The following XKRX variants were observed in gnomAD, a reference collection of about 807,000 sequenced individuals.
The protein encoded by XKRX is XK related X-linked.
A neutral mutation model predicts 22.4 loss-of-function variants in XKRX; 11 were observed. The ratio of observed to expected loss-of-function variants is 0.49; its 90% CI spans 0.31 to 0.81. The LOEUF is 0.81. Ranked by LOEUF, XKRX falls within the 40% of genes least tolerant of loss-of-function variation. XKRX has a pLI of 0.05. For synonymous variants in XKRX, 114 were observed against 132.2 expected, an observed-to-expected ratio of 0.86 and a Z score of 0.94; for missense variants, 320 against 336.5, an observed-to-expected ratio of 0.95 and a Z score of 0.38.
At chrX:100,888,373 A>G in the XKRX span, 21 of 763,760 alleles carry the variant, frequency 2.7e-5, no homozygotes, top group African/African-American at 1.2e-4. Context: ...GTGGCCTTGC[A>G]TTCGTGGCTG....
intron 2 of XKRX, among the ~76,000 whole-genome samples, chrX:100,920,625 A>G (rs752654713): frequency 8.9e-6 from 1 of 112,674 alleles, no homozygotes; most frequent in Admixed American, 9.4e-5. Flanking sequence ...CAAACCATAC[A>G]GAAGAATTTT....
chrX:100,920,425 T>C (rs1457801983), intron 2 of XKRX, among the ~76,000 whole-genome samples: 1 of 111,543 alleles, frequency 9.0e-6, no homozygotes, highest in Non-Finnish European at 1.9e-5. Context: ...TATGTTTACA[T>C]AGTAAAAATA....
chrX:100,942,603 A>G, the XKRX span, among the ~76,000 whole-genome samples: 8 of 111,986 alleles, frequency 7.1e-5, no homozygotes, highest in African/African-American at 2.6e-4. Flanking sequence ...ATGAAAACCT[A>G]TGTTGTTCAG....
At position 100,914,659 on chromosome X, in the gene XKRX, C is replaced by A. The variant is rs1428111238; in HGVS notation, c.1029G>T (p.Gly343=). ...RLADRDLVDK[G]QNWGHMGLHY... ...GCAGGCCCATATGTCCCCAGTTCTG[C>A]CCTTTGTCGACGAGATCTCTGTCTG... Residue 343 remains glycine, a synonymous_variant, in exon 3 of 3, where the codon GGG becomes GGT. Coordinates refer to ENST00000372956, the MANE Select transcript of XKRX (RefSeq NM_212559.3). 11 of 1,210,159 alleles carry A rather than the reference C, an allele frequency of 9.1e-6. No homozygotes were observed. Among genetic ancestry groups the A allele is most frequent in the Non-Finnish European group, 1.2e-5 (11 of 895,357 alleles).
chrX:100,949,144 T>C, the XKRX span, among the ~76,000 whole-genome samples: 1 of 111,644 alleles, frequency 9.0e-6, no homozygotes, highest in South Asian at 3.7e-4. Flanking sequence ...TGTGAGTCAG[T>C]TCTATGCTTT....
chrX:100,914,435 T>A lies in XKRX; in HGVS notation c.1253A>T (p.Asp418Val). The A allele has an allele frequency of 8.3e-7, 1 of 1,211,746 alleles. No homozygotes were observed. Among genetic ancestry groups the A allele is most frequent in the East Asian group, 3.0e-5 (1 of 33,830 alleles). Residue 418 changes from aspartate (D) to valine (V), a missense_variant, in exon 3 of 3, where the codon GAC (aspartate) becomes GTC (valine). By Grantham distance (152) the Asp-to-Val change is radical (BLOSUM62 -3). Coordinates refer to ENST00000372956, the MANE Select transcript of XKRX (RefSeq NM_212559.3). ...GTGACAGCAGACACAATGGAGGTAG[T>A]CTACTACATTATGGGTGAAGAGTGA... ...LRSLFTHNVV[D>V]YLHCVCCHQH...
At chrX:100,899,794 G>C in the XKRX span, among the ~76,000 whole-genome samples, 1 of 111,358 alleles carries the variant, frequency 9.0e-6, no homozygotes, top group Non-Finnish European at 1.9e-5. Context: ...ATTAAACCAA[G>C]GAAGGGCAAG....
At chrX:100,905,961 C>T in the XKRX span, among the ~76,000 whole-genome samples, 1 of 111,968 alleles carries the variant, frequency 8.9e-6, no homozygotes, top group Admixed American at 9.5e-5. Context: ...GATATAGTTT[C>T]ATTTCTACAA....
At chrX:100,927,906 T>C in intron 1 of XKRX, 64 bp downstream of exon 1, 1 of 1,121,198 alleles carries the variant, frequency 8.9e-7, no homozygotes, top group Non-Finnish European at 1.2e-6. Flanking sequence ...AAATCTTTCA[T>C]CTTTCTCTGC....
At chrX:100,900,711 A>G in the XKRX span, among the ~76,000 whole-genome samples, 10 of 109,705 alleles carry the variant, frequency 9.1e-5, no homozygotes, top group Non-Finnish European at 1.9e-4. Flanking sequence ...ATATATATAA[A>G]AACACCTTAA....
chrX:100,949,336 A>T, the XKRX span, among the ~76,000 whole-genome samples: 1 of 105,945 alleles, frequency 9.4e-6, no homozygotes, highest in African/African-American at 3.4e-5. Context: ...CCTGCAAAAA[A>T]GGAAAAAGAA....
the XKRX span, among the ~76,000 whole-genome samples, chrX:100,906,165 C>T: frequency 9.0e-6 from 1 of 111,373 alleles, no homozygotes; most frequent in Non-Finnish European, 1.9e-5. Context: ...TATATCCCCT[C>T]CCCCCACAAG....
intron 2 of XKRX, among the ~76,000 whole-genome samples, chrX:100,921,755 T>C (rs2085473124): frequency 9.1e-6 from 1 of 109,378 alleles, no homozygotes; most frequent in Admixed American, 9.9e-5. Flanking sequence ...GCTTTGTAAC[T>C]TCCTCCAAAG....
At chrX:100,895,971 G>A in the XKRX span, among the ~76,000 whole-genome samples, 2 of 111,883 alleles carry the variant, frequency 1.8e-5, no homozygotes, top group African/African-American at 3.2e-5. Context: ...TTCCTGCTAG[G>A]CAACCCATTT....
chrX:100,904,580 G>C, the XKRX span, among the ~76,000 whole-genome samples: 1 of 111,988 alleles, frequency 8.9e-6, no homozygotes, highest in African/African-American at 3.3e-5. Flanking sequence ...CTGAATTCCT[G>C]GCTTGGCGCC....
At chrX:100,941,895 T>C in the XKRX span, among the ~76,000 whole-genome samples, 1 of 111,428 alleles carries the variant, frequency 9.0e-6, no homozygotes, top group East Asian at 2.8e-4. Flanking sequence ...TTCTTTTCTT[T>C]TTTTTTTTGA....
rs202197522 is a variant in XKRX, at chrX:100,914,274, T to C, written c.*64A>G. On this transcript the variant is annotated 3_prime_UTR_variant, in exon 3 of 3. Coordinates refer to ENST00000372956, the MANE Select transcript of XKRX (RefSeq NM_212559.3). ...TATCTCACCCATGAACCTCATCCTT[T>C]CGTTCAATTTCATGGTTACTCTTGG... 1,818 of 1,126,062 alleles carry C rather than the reference T, an allele frequency of 1.6e-3. 3 individuals are homozygous for C. Among genetic ancestry groups the C allele is most frequent in the Middle Eastern group, 7.5e-3 (30 of 4,020 alleles). The allele number at this position is 1,126,062 out of a possible 1,213,427, so 92.8% of individuals were successfully genotyped here. A position where few individuals can be genotyped will look rare whatever the true frequency, so the allele number is the denominator to read the frequency against.
the XKRX span, among the ~76,000 whole-genome samples, chrX:100,952,261 T>C: frequency 9.0e-6 from 1 of 111,188 alleles, no homozygotes; most frequent in Non-Finnish European, 1.9e-5. Context: ...CATCCATTCA[T>C]GATAAAAGCT....
intron 1 of XKRX, among the ~76,000 whole-genome samples, chrX:100,927,114 T>G (rs755089822): frequency 1.8e-5 from 2 of 111,047 alleles, no homozygotes; most frequent in African/African-American, 3.3e-5. Flanking sequence ...GTGGCTCACT[T>G]TGGGAGGCTG....
Sources: allele counts gnomAD v4.1 joint callset (sites outside exome capture counted in the v4.1 genomes callset), GRCh38; gene constraint gnomAD v4.1.1; transcripts MANE v1.5; gene names NCBI Gene and HGNC (gene_info 2026-07-23, HGNC 2026-07-21).